Variants in USP20 observed in about 807,000 individuals in gnomAD.
USP20 encodes ubiquitin carboxyl-terminal hydrolase 20.
USP20 carries 80 observed loss-of-function variants against 124.2 expected under a neutral mutation model. The ratio of observed to expected loss-of-function variants is 0.64; its 90% CI spans 0.54 to 0.78. USP20 has a LOEUF of 0.78. Ranked by LOEUF, USP20 falls within the 30% of genes least tolerant of loss-of-function variation. The pLI, the probability that USP20 is intolerant of heterozygous loss-of-function variation, is 0.00. For synonymous variants in USP20, 481 were observed against 512.3 expected, an observed-to-expected ratio of 0.94 and a Z score of 0.83; for missense variants, 1,043 against 1,244.4, an observed-to-expected ratio of 0.84 and a Z score of 2.44.
At chr9:129,845,934 GT>G (rs964212644) in intron 1 of USP20, among the ~76,000 whole-genome samples, 1 of 150,958 alleles carries the variant, frequency 6.6e-6, no homozygotes, top group Non-Finnish European at 1.5e-5. Flanking sequence ...TTTGTGTTTT[GT>G]TTTTTTTGAG....
Position 129,867,989 on chromosome 9 carries a change from C to A in USP20, c.691-16C>A. ...TGCCTCCAGGGGAGCCCTGTTGATG[C>A]AGCCCCTGGTTCTAGGACACCCAAG... On this transcript the variant is annotated splice_polypyrimidine_tract_variant and intron_variant, in intron 10 of 25. Transcript: ENST00000372429. 6.2e-7 allele frequency: 1 copy of A among 1,601,974 alleles called. No individual in the cohort carries two copies. Among genetic ancestry groups the A allele is most frequent in the Non-Finnish European group, 8.5e-7 (1 of 1,172,846 alleles).
Position 129,839,215 on chromosome 9 carries a change from G to T in USP20, c.-129+3716G>T, listed in dbSNP as rs998440325. ...AGTTATTCCACTTCTCTGAGCCTCG[G>T]TGTCTCCATTGTTAGTGATGGAGAT... is the stretch of plus-strand genomic sequence containing the variant. On this transcript the variant is annotated intron_variant, in intron 1 of 25. Coordinates refer to ENST00000372429, the MANE Select transcript of USP20 (RefSeq NM_001110303.4). The surrounding 1 kb of genome is among the most constrained non-coding windows in gnomAD (Gnocchi z 4.5). 6.6e-6 allele frequency among the ~76,000 whole-genome samples: 1 copy of T among 152,194 alleles called. No individual in the cohort carries two copies.
At chr9:129,868,508 G>A in intron 11 of USP20, 59 bp downstream of exon 11, 2 of 1,539,136 alleles carry the variant, frequency 1.3e-6, no homozygotes, top group Non-Finnish European at 1.7e-6. Context: ...TACCTACCGG[G>A]TGCTGAGCGC....
intron 1 of USP20, among the ~76,000 whole-genome samples, chr9:129,836,122 G>C (rs549564289): frequency 1.3e-3 from 196 of 152,272 alleles, no homozygotes; most frequent in Non-Finnish European, 2.6e-3. Flanking sequence ...CTTCCACCCC[G>C]AAGATGCTGT....
rs746421590 is a variant in USP20, at chr9:129,869,334, G to A, written c.1301G>A (p.Arg434Gln). ...KKAQVLSAGS[R>Q]RRKEQRYRSV... is the part of the protein sequence containing the mutation. Reference sequence around the variant, plus strand: ...GCCCAGGTATTGAGTGCTGGCAGCCGGAGGCGGAAGGAGCAGCGCTACCGC... The same window carrying A: ...GCCCAGGTATTGAGTGCTGGCAGCCAGAGGCGGAAGGAGCAGCGCTACCGC... The change falls in exon 13 of 26, where the codon CGG becomes CAG. Residue 434 changes from arginine (R) to glutamine (Q), a missense_variant. By Grantham distance (43) the Arg-to-Gln change is conservative (BLOSUM62 1). Transcript: ENST00000372429. The A allele has an allele frequency of 4.5e-5, 73 of 1,613,520 alleles. No homozygotes were observed. Among genetic ancestry groups the A allele is most frequent in the Non-Finnish European group, 5.8e-5 (69 of 1,180,004 alleles).
intron 16 of USP20, 34 bp from the exon 17 acceptor site, chr9:129,873,660 GATGCC>G (rs767194147): frequency 1.6e-4 from 259 of 1,613,900 alleles, no homozygotes; most frequent in Non-Finnish European, 2.1e-4. Flanking sequence ...CCCTGGCCCT[GATGCC>G]GGACACTGAT....
In USP20 at chr9:129,868,983, G is replaced by A. The variant is rs752011115; in HGVS notation, c.1257G>A (p.Pro419=). Residue 419 remains proline, a synonymous_variant, in exon 12 of 26, where the codon CCG becomes CCA. Coordinates refer to ENST00000372429, the MANE Select transcript of USP20 (RefSeq NM_001110303.4). ...GTGCAAGCCCCGTGAGGATGGCACC[G>A]TCGTACGTGCTCAAGAAAGGTTCGG... ...PPRASPVRMA[P]SYVLKKAQVL... The A allele has an allele frequency of 4.5e-5, 73 of 1,610,790 alleles. No individual in the cohort carries two copies. Among genetic ancestry groups the A allele is most frequent in the Middle Eastern group, 1.6e-4 (1 of 6,062 alleles).
chr9:129,849,768 GTAA>G (rs1262716039), intron 1 of USP20, 42 bp from the exon 2 acceptor site: 1 of 152,386 alleles, frequency 6.6e-6, no homozygotes. Context: ...TGTCTTAAAA[GTAA>G]TAATAACAGA....
chr9:129,846,245 A>ATTT (rs1169724263), intron 1 of USP20, among the ~76,000 whole-genome samples: 600 of 43,276 alleles, frequency 0.014, 12 homozygotes, highest in Non-Finnish European at 0.019. Flanking sequence ...ATATATATAT[A>ATTT]TATTTTTTTT....
At chr9:129,862,761 C>T (rs1045165989) in intron 8 of USP20, among the ~76,000 whole-genome samples, 1 of 151,450 alleles carries the variant, frequency 6.6e-6, no homozygotes, top group African/African-American at 2.4e-5. Flanking sequence ...AAAAAATTAG[C>T]CAGGCATTGT....
chr9:129,851,106 C>G (rs561813958), intron 2 of USP20, among the ~76,000 whole-genome samples: 1 of 152,250 alleles, frequency 6.6e-6, no homozygotes, highest in South Asian at 2.1e-4. Context: ...TTTGATTCTG[C>G]TAAAATACCG....
rs2034339893 is a variant in USP20 at position 129,875,352 on chromosome 9, G to A, written c.2091G>A (p.Val697=). ...EEAMRERQQV[V]SLAAMREPSL... ...CCATGCGGGAGCGACAGCAGGTGGT[G>A]TCCCTGGCCGCCATGCGGGAGCCCA... is the stretch of plus-strand genomic sequence containing the variant. The change falls in exon 20 of 26, where the codon GTG becomes GTA. Residue 697 remains valine (V), a synonymous_variant. Transcript: ENST00000372429. 1.2e-6 allele frequency: 2 copies of A among 1,612,464 alleles called. No homozygotes were observed. Among genetic ancestry groups the A allele is most frequent in the South Asian group, 2.2e-5 (2 of 91,004 alleles).
chr9:129,846,241 A>ATTTTTTTTTTTTTT (rs1226898360), intron 1 of USP20, among the ~76,000 whole-genome samples: 1 of 26,504 alleles, frequency 3.8e-5, no homozygotes, highest in Admixed American at 6.2e-4. Context: ...ATATATATAT[A>ATTTTTTTTTTTTTT]TATATATTTT....
intron 1 of USP20, among the ~76,000 whole-genome samples, chr9:129,840,041 C>T (rs1291902700): frequency 6.6e-6 from 1 of 152,214 alleles, no homozygotes; most frequent in Non-Finnish European, 1.5e-5. Flanking sequence ...CTTCCTCCCC[C>T]CATCCTGTGC....
chr9:129,859,583 G>A (rs1186321876), intron 6 of USP20, among the ~76,000 whole-genome samples: 2 of 151,878 alleles, frequency 1.3e-5, no homozygotes, highest in Non-Finnish European at 2.9e-5. Context: ...CTCTCCTTCT[G>A]TTTAGACAGT....
In USP20 at chr9:129,865,335, AT is replaced by A; in HGVS notation, c.645del (p.His215GlnfsTer25). On this transcript the variant is annotated frameshift_variant, in exon 10 of 26. Coordinates refer to ENST00000372429, the MANE Select transcript of USP20 (RefSeq NM_001110303.4). LOFTEE classifies it high-confidence loss of function. ...TACGTGGTCCCCACCAGTCTGTCTC[AT>A]GGGATCAAGTTGGTCAACCCAATGT... ...PSYVVPTSLS[H>X]GIKLVNPMFR... The A allele has an allele frequency of 6.2e-7, 1 of 1,613,798 alleles. No homozygotes were observed. Among genetic ancestry groups the A allele is most frequent in the East Asian group, 2.2e-5 (1 of 44,872 alleles).
At position 129,870,285 on chromosome 9, in the gene USP20, G is replaced by A. The variant is rs1564216590; in HGVS notation, c.1566-168G>A. 4 of 646,562 alleles carry A rather than the reference G, an allele frequency of 6.2e-6. No individual in the cohort carries two copies. In the East Asian group the frequency reaches 1.1e-4, roughly 18 times the overall value. 40.1% of individuals were successfully genotyped at this position (646,562 alleles called of 1,614,324 possible). ...ATGATGTCACTCGGCCCAGGACACGGACGTGTCTGGCTCCAGGCCTCTGCC... is the reference window on the plus strand; with the variant it reads ...ATGATGTCACTCGGCCCAGGACACGAACGTGTCTGGCTCCAGGCCTCTGCC... On this transcript the variant is annotated intron_variant, in intron 14 of 25. Coordinates refer to ENST00000372429, the MANE Select transcript of USP20 (RefSeq NM_001110303.4).
In USP20 at chr9:129,872,778, C is replaced by T. The variant is rs540535588; in HGVS notation, c.1661-704C>T. 7.4e-4 allele frequency among the ~76,000 whole-genome samples: 113 copies of T among 152,198 alleles called. 2 individuals are homozygous for T. Among genetic ancestry groups the T allele is most frequent in the South Asian group, 3.9e-3 (19 of 4,818 alleles). ...CATGTACCTGTGACCCCAGCTACTC[C>T]GGAGGCTGAGGGTCCTCTGAGCCTA... On this transcript the variant is annotated intron_variant, in intron 15 of 25. Coordinates refer to ENST00000372429, the MANE Select transcript of USP20 (RefSeq NM_001110303.4).
At chr9:129,856,127 C>T (rs926916457) in intron 3 of USP20, among the ~76,000 whole-genome samples, 180 bp from the exon 4 acceptor site, 1 of 152,208 alleles carries the variant, frequency 6.6e-6, no homozygotes, top group African/African-American at 2.4e-5. Context: ...AAGTGCTCCC[C>T]TGGGAGCCTA....
Sources: gnomAD v4.1 joint callset for allele counts (sites outside exome capture counted in the v4.1 genomes callset) on GRCh38, gnomAD v4.1.1 for gene constraint, Gnocchi (gnomAD v3.1) non-coding constraint, MANE v1.5 for transcripts, NCBI Gene and HGNC (gene_info 2026-07-23, HGNC 2026-07-21) for gene names.